Variants in SORCS3 observed in about 807,000 individuals in gnomAD.
The protein encoded by SORCS3 is VPS10 domain-containing receptor SorCS3.
A neutral mutation model predicts 146.3 loss-of-function variants in SORCS3; 57 were observed. The observed-to-expected ratio is 0.39, with a 90% CI of 0.31 to 0.49. The LOEUF (loss-of-function observed/expected upper bound fraction) is 0.49. SORCS3 is among the 20% of genes least tolerant of loss of function. The pLI is 0.92. For synonymous variants in SORCS3, 653 were observed against 618.5 expected (o/e 1.06, Z -0.83); for missense variants, 1,341 against 1,575.5 (o/e 0.85, Z 2.52).
intron 1 of SORCS3, among the ~76,000 whole-genome samples, chr10:104,750,099 A>G (rs995418421): frequency 9.9e-5 from 15 of 152,218 alleles, no homozygotes; most frequent in African/African-American, 3.4e-4. Flanking sequence ...GTACTAACTT[A>G]TATTACATAC....
chr10:104,652,714 T>C (rs2015578563), intron 1 of SORCS3, among the ~76,000 whole-genome samples: 2 of 152,228 alleles, frequency 1.3e-5, no homozygotes, highest in Admixed American at 1.3e-4. Context: ...AATTCTCAGA[T>C]GGGAGTGTAA....
At chr10:105,197,429 C>T (rs140728431) in intron 14 of SORCS3, among the ~76,000 whole-genome samples, 70 of 152,164 alleles carry the variant, frequency 4.6e-4, no homozygotes, top group Non-Finnish European at 7.5e-4. Flanking sequence ...CTACCAAAGC[C>T]CAAACATGTG....
intron 11 of SORCS3, 61 bp from the exon 12 acceptor site, chr10:105,164,242 G>A: frequency 7.9e-7 from 1 of 1,270,580 alleles, no homozygotes; most frequent in South Asian, 1.2e-5. Context: ...CCATCCCTCA[G>A]CCCTAAGCAC....
intron 2 of SORCS3, among the ~76,000 whole-genome samples, chr10:104,897,720 C>T (rs1418207333): frequency 6.6e-6 from 1 of 152,094 alleles, no homozygotes; most frequent in Non-Finnish European, 1.5e-5. Flanking sequence ...TTCATTTTTC[C>T]TTTGTGAGTG....
At chr10:104,810,855 A>T (rs1286077624) in intron 1 of SORCS3, among the ~76,000 whole-genome samples, 2 of 152,184 alleles carry the variant, frequency 1.3e-5, no homozygotes, top group Admixed American at 1.3e-4. Context: ...TCATTCACTT[A>T]TTCATTTATT....
chr10:104,948,946 C>T (rs1371840437), intron 3 of SORCS3, among the ~76,000 whole-genome samples: 15 of 152,170 alleles, frequency 9.9e-5, no homozygotes. Flanking sequence ...ATTAATGCTA[C>T]AGTAGCCCAA....
rs146780166 is a variant in SORCS3, at chr10:105,263,336, G to A, written c.3631G>A (p.Glu1211Lys). ...IGGIATIANS[E>K]STKEIPNCTS... ...AGGCATTGCCACTATTGCAAACAGC[G>A]AAAGCACAAAGGAGATCCCCAACTG... is the stretch of plus-strand genomic sequence containing the variant. The change falls in exon 27 of 27, where the codon GAA (glutamate) becomes AAA (lysine). Residue 1211 changes from glutamate to lysine, a missense_variant. Transcript: ENST00000369701. 3.6e-5 allele frequency: 58 copies of A among 1,614,056 alleles called. 1 individual carries two copies. In the East Asian group the frequency reaches 8.0e-4, roughly 22 times the overall value.
intron 1 of SORCS3, among the ~76,000 whole-genome samples, chr10:104,777,388 C>T (rs867990969): frequency 1.3e-5 from 2 of 152,276 alleles, no homozygotes; most frequent in Middle Eastern, 6.8e-3. Context: ...TGCTTAATTC[C>T]CAGGCTGTGC....
chr10:104,993,072 A>ATAACACT (rs2055004179), intron 4 of SORCS3, among the ~76,000 whole-genome samples: 4 of 152,154 alleles, frequency 2.6e-5, no homozygotes, highest in Non-Finnish European at 1.5e-5. Flanking sequence ...CACAGGGGAG[A>ATAACACT]GGGTGCCTGA....
In SORCS3 at chr10:104,839,290, C is replaced by T. The variant is rs2018109928; in HGVS notation, c.628-3502C>T. Among the ~76,000 whole-genome samples the T allele has an allele frequency of 2.6e-5, 4 of 152,122 alleles. No homozygotes were observed. In the South Asian group the frequency reaches 8.3e-4, roughly 32 times the overall value. On this transcript the variant is annotated intron_variant, in intron 1 of 26. Coordinates refer to ENST00000369701, the MANE Select transcript of SORCS3 (RefSeq NM_014978.3). ...TGACTCAATTTTAAGCAAAATAGGA[C>T]TTCACAGGAGAGAACATTTTTGATG...
intron 1 of SORCS3, among the ~76,000 whole-genome samples, chr10:104,671,156 T>C (rs186023652): frequency 6.6e-6 from 1 of 151,814 alleles, no homozygotes; most frequent in African/African-American, 2.4e-5. Context: ...CGAATTGCTC[T>C]GGTTAGAACT....
chr10:105,058,055 T>G (rs1429401900), intron 5 of SORCS3, among the ~76,000 whole-genome samples: 1 of 152,160 alleles, frequency 6.6e-6, no homozygotes, highest in African/African-American at 2.4e-5. Flanking sequence ...TTCTCCAACC[T>G]TTTCCCCTAA....
intron 19 of SORCS3, among the ~76,000 whole-genome samples, chr10:105,218,739 G>A (rs2056679913): frequency 6.6e-6 from 1 of 152,204 alleles, no homozygotes; most frequent in South Asian, 2.1e-4. Context: ...ATTGCTGGCT[G>A]GGCGCGGTGG....
chr10:104,903,602 G>A (rs935271123), intron 2 of SORCS3, among the ~76,000 whole-genome samples: 1 of 152,138 alleles, frequency 6.6e-6, no homozygotes, highest in Non-Finnish European at 1.5e-5. Context: ...AGTCCTCTTG[G>A]GACCCAGGAG....
In SORCS3 at chr10:105,246,391, CTTCAT is replaced by C. The variant is rs1057339172; in HGVS notation, c.2992+735_2992+739del. Among the ~76,000 whole-genome samples, 19 of 150,932 alleles carry C rather than the reference CTTCAT, an allele frequency of 1.3e-4. 1 individual carries two copies. The highest frequency in any genetic ancestry group is 1.9e-4 in the East Asian group (1 of 5,154). On this transcript the variant is annotated intron_variant, in intron 21 of 26. Transcript: ENST00000369701. Reference sequence around the variant, plus strand: ...TAATTGGTTTTTTGGTTTTACATGTCTTCATTTCATTTCTTCATTTCTTCTTTTTT... The same window carrying C: ...TAATTGGTTTTTTGGTTTTACATGTCTTCATTTCTTCATTTCTTCTTTTTT...
At chr10:104,837,620 ATC>A (rs2018086061) in intron 1 of SORCS3, among the ~76,000 whole-genome samples, 3 of 152,182 alleles carry the variant, frequency 2.0e-5, no homozygotes, top group Admixed American at 6.5e-5. Flanking sequence ...CTCATTACAC[ATC>A]TCTGTTTCCT....
At chr10:105,184,132 G>C (rs2056460410) in intron 14 of SORCS3, among the ~76,000 whole-genome samples, 1 of 152,232 alleles carries the variant, frequency 6.6e-6, no homozygotes, top group Non-Finnish European at 1.5e-5. Flanking sequence ...AGCTAGAGCA[G>C]GGGTTGGCAG....
At chr10:105,009,997 G>A (rs1443662780) in intron 4 of SORCS3, among the ~76,000 whole-genome samples, 2 of 152,088 alleles carry the variant, frequency 1.3e-5, no homozygotes, top group Admixed American at 1.3e-4. Context: ...CATAATCTAA[G>A]ATTTGTCCCA....
At chr10:104,952,052 C>T (rs781217738) in intron 3 of SORCS3, among the ~76,000 whole-genome samples, 2 of 151,160 alleles carry the variant, frequency 1.3e-5, no homozygotes, top group Non-Finnish European at 1.5e-5. Context: ...ATCGTTCCCC[C>T]GATTCCAAAT....
Sources: gnomAD v4.1 joint callset for allele counts (sites outside exome capture counted in the v4.1 genomes callset) on GRCh38, gnomAD v4.1.1 for gene constraint, MANE v1.5 for transcripts, NCBI Gene and HGNC (gene_info 2026-07-23, HGNC 2026-07-21) for gene names.